ADGRV1: variants seen among roughly 807,000 people sequenced by gnomAD.
The protein encoded by ADGRV1 is adhesion G protein-coupled receptor V1, also known as G-protein coupled receptor 98.
In ADGRV1, 359 loss-of-function variants were observed where a neutral mutation model predicts 596.2. The ratio of observed to expected loss-of-function variants is 0.60; its 90% CI spans 0.55 to 0.66. The LOEUF is 0.66. Ranked by LOEUF, ADGRV1 falls within the 30% of genes least tolerant of loss-of-function variation. The pLI is 0.00. For missense variants in ADGRV1, 7,274 were observed against 7,575.6 expected (o/e 0.96, Z 1.48); for synonymous variants, 2,681 against 2,679.2 (o/e 1.00, Z -0.02).
At chr5:90,910,107 G>C (rs913737954) in intron 83 of ADGRV1, among the ~76,000 whole-genome samples, 1 of 152,206 alleles carries the variant, frequency 6.6e-6, no homozygotes, top group Non-Finnish European at 1.5e-5. Flanking sequence ...TAGATTTGCA[G>C]ATTGTGTTTT....
chr5:90,956,612 A>G (rs6452917), intron 83 of ADGRV1, among the ~76,000 whole-genome samples: 17,532 of 152,112 alleles, frequency 0.12, 1,554 homozygotes, highest in East Asian at 0.25. Context: ...AATGATCTTG[A>G]TGTTTCAGCT....
At chr5:90,785,701 A>T (rs1411013102) in intron 67 of ADGRV1, among the ~76,000 whole-genome samples, 2 of 152,232 alleles carry the variant, frequency 1.3e-5, no homozygotes, top group Admixed American at 6.5e-5. Context: ...CCACAATGAG[A>T]TACCATCTCA....
At chr5:90,947,495 C>A (rs1365525906) in intron 83 of ADGRV1, among the ~76,000 whole-genome samples, 1 of 151,978 alleles carries the variant, frequency 6.6e-6, no homozygotes, top group African/African-American at 2.4e-5. Context: ...ATGTTTTCAT[C>A]ATGAAATCCT....
chr5:91,019,676 T>C (rs1486980232), intron 85 of ADGRV1, among the ~76,000 whole-genome samples: 1 of 152,040 alleles, frequency 6.6e-6, no homozygotes, highest in East Asian at 1.9e-4. Flanking sequence ...TATTTTTTAA[T>C]CCTTAAATTC....
At chr5:91,072,958 T>G (rs373447198) in intron 86 of ADGRV1, among the ~76,000 whole-genome samples, 1 of 152,342 alleles carries the variant, frequency 6.6e-6, no homozygotes, top group African/African-American at 2.4e-5. Context: ...CTGAGACTTC[T>G]GCACAGTTTA....
chr5:91,100,170 C>T (rs2126636335), intron 86 of ADGRV1, among the ~76,000 whole-genome samples: 1 of 152,258 alleles, frequency 6.6e-6, no homozygotes, highest in South Asian at 2.1e-4. Context: ...ACCAGTAATC[C>T]CAGCACTTTG....
At chr5:90,986,437 A>C (rs1467190691) in intron 85 of ADGRV1, among the ~76,000 whole-genome samples, 1 of 152,122 alleles carries the variant, frequency 6.6e-6, no homozygotes, top group East Asian at 1.9e-4. Context: ...ATGATCAATT[A>C]TATACTTAAT....
intron 1 of ADGRV1, among the ~76,000 whole-genome samples, chr5:90,597,450 G>T (rs912679991): frequency 6.6e-6 from 1 of 152,196 alleles, no homozygotes; most frequent in African/African-American, 2.4e-5. Context: ...ATTTCTAACA[G>T]AATTCTTTCA....
intron 70 of ADGRV1, among the ~76,000 whole-genome samples, chr5:90,796,054 C>A (rs1760673806): frequency 6.6e-6 from 1 of 152,158 alleles, no homozygotes. Flanking sequence ...ATTCCAAAAA[C>A]CAGAACGCTG....
chr5:90,840,008 C>G (rs764302646), intron 77 of ADGRV1, among the ~76,000 whole-genome samples: 43 of 152,166 alleles, frequency 2.8e-4, no homozygotes, highest in Admixed American at 1.5e-3. Context: ...TCATGCTTCA[C>G]GTTCCAAAAC....
At chr5:91,117,480 G>A (rs1360855651) in intron 87 of ADGRV1, among the ~76,000 whole-genome samples, 1 of 151,994 alleles carries the variant, frequency 6.6e-6, no homozygotes, top group Non-Finnish European at 1.5e-5. Context: ...TGAATGGTAG[G>A]GACTTTTATT....
At chr5:90,624,587 C>G (rs1188456033) in intron 5 of ADGRV1, among the ~76,000 whole-genome samples, 1 of 152,140 alleles carries the variant, frequency 6.6e-6, no homozygotes, top group Non-Finnish European at 1.5e-5. Context: ...CTCTATGATA[C>G]TTATTATCAT....
intron 83 of ADGRV1, among the ~76,000 whole-genome samples, chr5:90,959,919 C>A (rs1442230262): frequency 6.6e-6 from 1 of 152,078 alleles, no homozygotes; most frequent in East Asian, 1.9e-4. Context: ...GTGGGCAGAT[C>A]ACGAGGTCAG....
intron 55 of ADGRV1, among the ~76,000 whole-genome samples, chr5:90,755,625 C>T (rs1581014801): frequency 6.6e-6 from 1 of 151,656 alleles, no homozygotes; most frequent in East Asian, 1.9e-4. Flanking sequence ...TGGTTTAGAT[C>T]TGGTTTTAGC....
chr5:90,578,322 G>T (rs1757510187), intron 1 of ADGRV1, among the ~76,000 whole-genome samples: 1 of 152,182 alleles, frequency 6.6e-6, no homozygotes, highest in African/African-American at 2.4e-5. Flanking sequence ...TTAGCATGAA[G>T]TGCTGTTGAA....
At chr5:90,861,804 C>G (rs1767607047) in intron 82 of ADGRV1, among the ~76,000 whole-genome samples, 1 of 152,094 alleles carries the variant, frequency 6.6e-6, no homozygotes, top group African/African-American at 2.4e-5. Context: ...TATATAGTGT[C>G]TTAGAAACCT....
intron 1 of ADGRV1, among the ~76,000 whole-genome samples, chr5:90,605,457 A>T (rs1442087977): frequency 1.3e-5 from 2 of 151,540 alleles, no homozygotes; most frequent in Non-Finnish European, 2.9e-5. Context: ...AACTTTGTGT[A>T]TTAGATCAGA....
At chr5:90,747,368 T>C (rs112317054) in intron 52 of ADGRV1, among the ~76,000 whole-genome samples, 190 of 152,252 alleles carry the variant, frequency 1.2e-3, no homozygotes, top group African/African-American at 4.4e-3. Context: ...ACAGTTTCGA[T>C]GAGTCACTAA....
intron 67 of ADGRV1, among the ~76,000 whole-genome samples, chr5:90,787,144 T>A (rs1370895421): frequency 6.6e-6 from 1 of 152,126 alleles, no homozygotes; most frequent in Admixed American, 6.6e-5. Context: ...GACATGGTGT[T>A]TCAAGAAGGA....
Sources: gnomAD v4.1 joint callset for allele counts (sites outside exome capture counted in the v4.1 genomes callset) on GRCh38, gnomAD v4.1.1 for gene constraint, MANE v1.5 for transcripts, NCBI Gene and HGNC (gene_info 2026-07-23, HGNC 2026-07-21) for gene names.